FYB2: variants seen among roughly 807,000 people sequenced by gnomAD.
The protein encoded by FYB2 is FYN binding protein 2.
In FYB2, 103 loss-of-function variants were observed where a neutral mutation model predicts 94.1. The ratio of observed to expected loss-of-function variants is 1.09; its 90% CI spans 0.93 to 1.29. FYB2 has a LOEUF of 1.29. Ranked by LOEUF, FYB2 falls within the 50% of genes most tolerant of loss-of-function variation. The pLI, the probability that FYB2 is intolerant of heterozygous loss-of-function variation, is 0.00. For missense variants in FYB2, 896 were observed against 841.5 expected, an observed-to-expected ratio of 1.06 and a Z score of -0.80; for synonymous variants, 293 against 287.9, an observed-to-expected ratio of 1.02 and a Z score of -0.18.
At chr1:56,787,644 C>T (rs1472968463) in intron 3 of FYB2, among the ~76,000 whole-genome samples, 1 of 152,268 alleles carries the variant, frequency 6.6e-6, no homozygotes, top group South Asian at 2.1e-4. Context: ...CACAATAATC[C>T]TAAGAGATCA....
intron 2 of FYB2, among the ~76,000 whole-genome samples, chr1:56,791,492 C>T (rs879794792): frequency 2.6e-5 from 4 of 152,026 alleles, no homozygotes; most frequent in Non-Finnish European, 5.9e-5. Context: ...CTGAACTCTG[C>T]CCACCTTGGC....
chr1:56,740,667 C>G lies in FYB2; in HGVS notation c.1703+30G>C, dbSNP rs755936888. On this transcript the variant is annotated intron_variant, in intron 13 of 19. Coordinates refer to ENST00000343433, the MANE Select transcript of FYB2 (RefSeq NM_001004303.5). ...TGTGTATCTACCAGGTTAATCCCCT[C>G]GTGGAAAGGGATTTAAAGGGACTTT... 5.2e-6 allele frequency: 7 copies of G among 1,335,828 alleles called. No individual in the cohort carries two copies. In the East Asian group the frequency reaches 1.4e-4, roughly 27 times the overall value. The allele number at this position is 1,335,828 out of a possible 1,614,324, so 82.7% of individuals were successfully genotyped here. A position where few individuals can be genotyped will look rare whatever the true frequency, so the allele number is the denominator to read the frequency against.
chr1:56,786,809 A>G (rs1232602569), intron 4 of FYB2, among the ~76,000 whole-genome samples: 1 of 152,206 alleles, frequency 6.6e-6, no homozygotes, highest in African/African-American at 2.4e-5. Flanking sequence ...AGTACACCAA[A>G]AATAGAACAT....
At chr1:56,766,049 A>G (rs1024383165) in intron 5 of FYB2, among the ~76,000 whole-genome samples, 8 of 152,290 alleles carry the variant, frequency 5.3e-5, no homozygotes, top group Admixed American at 5.2e-4. Flanking sequence ...GCCTTGTAGA[A>G]GGACATATAG....
upstream of FYB2, among the ~76,000 whole-genome samples, chr1:56,822,747 T>A (rs1163349216): frequency 6.9e-6 from 1 of 144,580 alleles, no homozygotes. Context: ...TACCCCGATG[T>A]AAAAAAAAAA....
chr1:56,791,016 A>G (rs1342389331), intron 2 of FYB2, among the ~76,000 whole-genome samples: 1 of 152,148 alleles, frequency 6.6e-6, no homozygotes, highest in Non-Finnish European at 1.5e-5. Flanking sequence ...CGGGGAAGAC[A>G]GGTAGGAGAT....
At chr1:56,724,614 C>T (rs964562048) in intron 16 of FYB2, among the ~76,000 whole-genome samples, 3 of 152,010 alleles carry the variant, frequency 2.0e-5, no homozygotes, top group African/African-American at 7.2e-5. Flanking sequence ...AGTTATGTCA[C>T]TCTCTTGCTT....
upstream of FYB2, among the ~76,000 whole-genome samples, chr1:56,822,922 A>C (rs1321988427): frequency 1.3e-5 from 2 of 152,046 alleles, no homozygotes; most frequent in Non-Finnish European, 2.9e-5. Context: ...TTAATATTAT[A>C]ATTCTTGTTG....
intron 15 of FYB2, among the ~76,000 whole-genome samples, chr1:56,729,382 A>G (rs1455300192): frequency 1.3e-5 from 2 of 152,068 alleles, no homozygotes; most frequent in East Asian, 3.9e-4. Flanking sequence ...GCACAAGAGG[A>G]GAAGGAATAA....
chr1:56,724,394 C>T (rs930302539), intron 16 of FYB2, among the ~76,000 whole-genome samples: 4 of 152,124 alleles, frequency 2.6e-5, no homozygotes, highest in Admixed American at 6.6e-5. Flanking sequence ...TTCTTTTTAG[C>T]AGTTCAATGT....
intron 8 of FYB2, among the ~76,000 whole-genome samples, chr1:56,753,552 G>A (rs1645251606): frequency 6.6e-6 from 1 of 152,106 alleles, no homozygotes; most frequent in South Asian, 2.1e-4. Context: ...CAAGGGCAGG[G>A]ATGGCACCTG....
At chr1:56,759,601 G>A (rs1482653762) in intron 5 of FYB2, among the ~76,000 whole-genome samples, 4 of 152,142 alleles carry the variant, frequency 2.6e-5, no homozygotes, top group African/African-American at 7.2e-5. Flanking sequence ...GAAACATTGT[G>A]TAGCACATGA....
chr1:56,720,075 C>A lies in FYB2; in HGVS notation c.2132-20G>T. On this transcript the variant is annotated intron_variant, in intron 18 of 19. Coordinates refer to ENST00000343433, the MANE Select transcript of FYB2 (RefSeq NM_001004303.5). The stretch of plus-strand genomic sequence containing the variant: ...ATCCATCTAATAGAAACAAAAGTCA[C>A]CGTTAATTTGAAAGTTATAGAGAAA... The A allele has an allele frequency of 6.3e-7, 1 of 1,597,270 alleles. No homozygotes were observed. The highest frequency in any genetic ancestry group is 8.5e-7 in the Non-Finnish European group (1 of 1,174,098).
chr1:56,801,563 C>T (rs1646520128), intron 1 of FYB2, among the ~76,000 whole-genome samples: 1 of 152,274 alleles, frequency 6.6e-6, no homozygotes, highest in Admixed American at 6.5e-5. Flanking sequence ...CTAATTTCCA[C>T]AGATACACCT....
chr1:56,756,960 C>A (rs10489619), intron 6 of FYB2, among the ~76,000 whole-genome samples: 2 of 151,982 alleles, frequency 1.3e-5, no homozygotes, highest in Admixed American at 6.6e-5. Context: ...TGCAAAGGCT[C>A]AAGAGCATCT....
chr1:56,755,609 G>A (rs937522597), intron 7 of FYB2, among the ~76,000 whole-genome samples: 2 of 152,176 alleles, frequency 1.3e-5, no homozygotes, highest in East Asian at 1.9e-4. Flanking sequence ...AAGCAATAGC[G>A]AGGTCTCCAT....
chr1:56,777,502 TTA>T (rs1215856312), intron 4 of FYB2, among the ~76,000 whole-genome samples: 1 of 152,170 alleles, frequency 6.6e-6, no homozygotes. Flanking sequence ...TTTGAAGAAT[TTA>T]TAATTTAGTC....
intron 11 of FYB2, among the ~76,000 whole-genome samples, chr1:56,742,701 G>T (rs1024623458): frequency 6.6e-5 from 10 of 152,176 alleles, no homozygotes; most frequent in African/African-American, 2.4e-4. Context: ...TCCTGAAACA[G>T]AGTCTAATGG....
At chr1:56,755,967 C>T in intron 6 of FYB2, 40 bp from the exon 7 acceptor site, 1 of 1,578,040 alleles carries the variant, frequency 6.3e-7, no homozygotes, top group Non-Finnish European at 8.7e-7. Flanking sequence ...CATAAATCAA[C>T]CTGAATCAGG....
Sources: allele counts gnomAD v4.1 joint callset (sites outside exome capture counted in the v4.1 genomes callset), GRCh38; gene constraint gnomAD v4.1.1; transcripts MANE v1.5; gene names NCBI Gene and HGNC (gene_info 2026-07-23, HGNC 2026-07-21).